ZNF383: variants seen among roughly 807,000 people sequenced by gnomAD.
ZNF383 encodes zinc finger protein 383.
A neutral mutation model predicts 44.2 loss-of-function variants in ZNF383; 32 were observed. The observed-to-expected ratio is 0.72, with a 90% CI of 0.55 to 0.97. ZNF383 has a LOEUF of 0.97. Ranked by LOEUF, ZNF383 falls within the 50% of genes least tolerant of loss-of-function variation. The probability of loss-of-function intolerance (pLI) is 0.00; values close to 1 mark genes in which losing one functional copy is unlikely to be tolerated. For missense variants in ZNF383, 487 were observed against 562.5 expected, an observed-to-expected ratio of 0.87 and a Z score of 1.36; for synonymous variants, 155 against 186.2, an observed-to-expected ratio of 0.83 and a Z score of 1.36.
In ZNF383 at chr19:37,248,578, CAAGAT is replaced by C. The variant is rs1459886141; in HGVS notation, c.*4922_*4926del. ...TGGATAGCATGGGATTTTTGGAATA[CAAGAT>C]AAGATAATTTACATGGGATTGCAAA... is the stretch of plus-strand genomic sequence containing the variant. On this transcript the variant is annotated 3_prime_UTR_variant, in exon 6 of 6. Coordinates refer to ENST00000684119, the MANE Select transcript of ZNF383 (RefSeq NM_001387601.1). 1.3e-5 allele frequency: 2 copies of C among 152,076 alleles called. No homozygotes were observed. The highest frequency in any genetic ancestry group is 2.9e-5 in the Non-Finnish European group (2 of 68,012). The allele number at this position is 152,076 out of a possible 1,614,324, so 9.4% of individuals were successfully genotyped here. A position where few individuals can be genotyped will look rare whatever the true frequency, so the allele number is the denominator to read the frequency against.
Position 37,235,639 on chromosome 19 carries a change from G to T in ZNF383, c.100G>T (p.Val34Leu). 6.2e-7 allele frequency: 1 copy of T among 1,612,966 alleles called. No individual in the cohort carries two copies. Among genetic ancestry groups the T allele is most frequent in the Non-Finnish European group, 8.5e-7 (1 of 1,179,622 alleles). ...TGTTCAGAGGGACTTATACAGAGAT[G>T]TGATGTTGGAGAACTACGGCAATCT... is the stretch of plus-strand genomic sequence containing the variant. ...DPVQRDLYRDVMLENYGNLVS... is the reference protein window; with the variant it reads ...DPVQRDLYRDLMLENYGNLVS... Residue 34 changes from valine (V) to leucine (L), a missense_variant, in exon 4 of 6, where the codon GTG (valine) becomes TTG (leucine). Physicochemically the swap from Val to Leu is conservative, Grantham distance 32. Coordinates refer to ENST00000684119, the MANE Select transcript of ZNF383 (RefSeq NM_001387601.1).
Position 37,247,527 on chromosome 19 carries a change from C to T in ZNF383, c.*3863C>T, listed in dbSNP as rs558669721. On this transcript the variant is annotated 3_prime_UTR_variant, in exon 6 of 6. Coordinates refer to ENST00000684119, the MANE Select transcript of ZNF383 (RefSeq NM_001387601.1). ...ATATTATGCTGTGTGAATTTGATCT[C>T]AATTTAAAAACTTAAGGCTGGTTGC... The T allele has an allele frequency of 6.6e-6, 1 of 152,158 alleles. No homozygotes were observed. The highest frequency in any genetic ancestry group is 1.9e-4 in the East Asian group (1 of 5,172). The allele number at this position is 152,158 out of a possible 1,614,324, so 9.4% of individuals were successfully genotyped here.
At chr19:37,232,920 T>C (rs965993799) in intron 3 of ZNF383, among the ~76,000 whole-genome samples, 3 of 152,308 alleles carry the variant, frequency 2.0e-5, no homozygotes, top group Middle Eastern at 6.8e-3. Flanking sequence ...TGAACACGTA[T>C]TATTCTCTTT....
At chr19:37,220,134 A>G (rs1972847691) in intron 1 of ZNF383, among the ~76,000 whole-genome samples, 1 of 152,200 alleles carries the variant, frequency 6.6e-6, no homozygotes, top group Non-Finnish European at 1.5e-5. Context: ...GCACATATAC[A>G]TTGTTTTCAA....
chr19:37,241,026 G>T (rs1274608723), intron 5 of ZNF383, among the ~76,000 whole-genome samples: 1 of 152,004 alleles, frequency 6.6e-6, no homozygotes, highest in Non-Finnish European at 1.5e-5. Flanking sequence ...AGGCTGGTCT[G>T]GAGCTCCTGA....
intron 5 of ZNF383, among the ~76,000 whole-genome samples, chr19:37,239,302 C>T (rs1973966469): frequency 1.3e-5 from 2 of 151,950 alleles, no homozygotes; most frequent in Admixed American, 6.6e-5. Context: ...ACCATAGTAG[C>T]AGTAGTAGTA....
At chr19:37,238,772 C>A (rs374460925) in intron 5 of ZNF383, among the ~76,000 whole-genome samples, 13 of 152,080 alleles carry the variant, frequency 8.5e-5, no homozygotes, top group African/African-American at 3.1e-4. Context: ...AATTTTACTC[C>A]GAATGAGGTG....
chr19:37,237,014 C>T (rs1438225338), intron 5 of ZNF383, among the ~76,000 whole-genome samples: 1 of 151,868 alleles, frequency 6.6e-6, no homozygotes, highest in Non-Finnish European at 1.5e-5. Context: ...CACACACACA[C>T]CCCTTGCCCA....
At position 37,236,009 on chromosome 19, in the gene ZNF383, C is replaced by T. The variant is rs376350636; in HGVS notation, c.167C>T (p.Ser56Phe). The change falls in exon 5 of 6, where the codon TCC becomes TTC. Residue 56 changes from serine to phenylalanine, a missense_variant. Ser to Phe is a radical substitution (Grantham distance 155). Coordinates refer to ENST00000684119, the MANE Select transcript of ZNF383 (RefSeq NM_001387601.1). ...TACACTCCTAAGCCTCAAGTGATCTCCTTATTGGAACAAGGGAAAGAGCCC... is the reference window on the plus strand; with the variant it reads ...TACACTCCTAAGCCTCAAGTGATCTTCTTATTGGAACAAGGGAAAGAGCCC... ...GLYTPKPQVI[S>F]LLEQGKEPWM... is the part of the protein sequence containing the mutation. 1.2e-6 allele frequency: 2 copies of T among 1,613,782 alleles called. No individual in the cohort carries two copies. Among genetic ancestry groups the T allele is most frequent in the Non-Finnish European group, 1.7e-6 (2 of 1,179,858 alleles).
At chr19:37,223,125 A>G (rs1400705056) in intron 1 of ZNF383, among the ~76,000 whole-genome samples, 1 of 152,170 alleles carries the variant, frequency 6.6e-6, no homozygotes, top group Non-Finnish European at 1.5e-5. Context: ...AGTTTTTAGC[A>G]CTCTTCTCAA....
rs767675948 is a variant in ZNF383, at chr19:37,243,585, A to T, written c.1349A>T (p.Tyr450Phe). Residue 450 changes from tyrosine to phenylalanine, a missense_variant, in exon 6 of 6, where the codon TAT becomes TTT. Coordinates refer to ENST00000684119, the MANE Select transcript of ZNF383 (RefSeq NM_001387601.1). ...AGAATTCACACTGGTGAAAAGCCCTATAACTGTAAGGAATGTGGGAAGGCT... is the reference window on the plus strand; with the variant it reads ...AGAATTCACACTGGTGAAAAGCCCTTTAACTGTAAGGAATGTGGGAAGGCT... The part of the protein sequence containing the change: ...HLRIHTGEKP[Y>F]NCKECGKAFS... The T allele has an allele frequency of 6.2e-7, 1 of 1,613,056 alleles. No homozygotes were observed.
chr19:37,235,881 G>A (rs1258271597), intron 4 of ZNF383, 98 bp from the exon 5 acceptor site: 9 of 1,244,302 alleles, frequency 7.2e-6, no homozygotes, highest in Non-Finnish European at 9.0e-6. Flanking sequence ...ATCTTTCTTT[G>A]GCTGTTCCTG....
At chr19:37,220,015 C>A (rs901527722) in intron 1 of ZNF383, among the ~76,000 whole-genome samples, 1 of 151,986 alleles carries the variant, frequency 6.6e-6, no homozygotes, top group South Asian at 2.1e-4. Context: ...ACACACCCAC[C>A]CACACAATTC....
At chr19:37,222,001 T>G (rs916237446) in intron 1 of ZNF383, among the ~76,000 whole-genome samples, 2 of 150,522 alleles carry the variant, frequency 1.3e-5, no homozygotes, top group Non-Finnish European at 3.0e-5. Flanking sequence ...TGACCAGATC[T>G]CAAATCTGAT....
intron 3 of ZNF383, among the ~76,000 whole-genome samples, chr19:37,230,920 C>G (rs538360689): frequency 5.3e-5 from 8 of 152,284 alleles, no homozygotes; most frequent in Admixed American, 2.0e-4. Context: ...TGGATTGTTG[C>G]AAGATCTGGT....
intron 1 of ZNF383, among the ~76,000 whole-genome samples, chr19:37,222,292 A>G (rs1371598024): frequency 2.6e-5 from 4 of 152,076 alleles, no homozygotes; most frequent in Non-Finnish European, 4.4e-5. Flanking sequence ...AAATTCATCC[A>G]TGTTGCTGCA....
At chr19:37,222,266 G>C (rs1047288165) in intron 1 of ZNF383, among the ~76,000 whole-genome samples, 1 of 151,756 alleles carries the variant, frequency 6.6e-6, no homozygotes, top group Non-Finnish European at 1.5e-5. Context: ...GTAATAATAT[G>C]TAGTATAAAT....
rs1020543222 is a variant in ZNF383, at chr19:37,247,018, G to T, written c.*3354G>T. ...CAATATTCCCTCTTAATTAACATGG[G>T]TTAAGGAATAAATCCCTAATATATA... On this transcript the variant is annotated 3_prime_UTR_variant, in exon 6 of 6. Transcript: ENST00000684119. 10 of 152,000 alleles carry T rather than the reference G, an allele frequency of 6.6e-5. No homozygotes were observed. The highest frequency in any genetic ancestry group is 2.6e-4 in the Admixed American group (4 of 15,264). 9.4% of individuals were successfully genotyped at this position (152,000 alleles called of 1,614,324 possible).
chr19:37,234,716 A>C (rs755783759), intron 3 of ZNF383, among the ~76,000 whole-genome samples: 3 of 152,162 alleles, frequency 2.0e-5, no homozygotes, highest in Non-Finnish European at 4.4e-5. Context: ...TCAAACTCTA[A>C]ATTTATAAAT....
Sources: allele counts gnomAD v4.1 joint callset (sites outside exome capture counted in the v4.1 genomes callset), GRCh38; gene constraint gnomAD v4.1.1; transcripts MANE v1.5; gene names NCBI Gene and HGNC (gene_info 2026-07-23, HGNC 2026-07-21).